Variants in TPM1 observed in about 807,000 individuals in gnomAD.
The protein encoded by TPM1 is tropomyosin 1.
In TPM1, 24 loss-of-function variants were observed where a neutral mutation model predicts 42.9. The observed-to-expected ratio is 0.56, with a 90% CI of 0.41 to 0.79. TPM1 has a LOEUF of 0.79. Ranked by LOEUF, TPM1 falls within the 30% of genes least tolerant of loss-of-function variation. The pLI, the probability that TPM1 is intolerant of heterozygous loss-of-function variation, is 0.00. For synonymous variants in TPM1, 136 were observed against 130.1 expected (o/e 1.05, Z -0.31); for missense variants, 158 against 351.8 (o/e 0.45, Z 4.41).
intron 2 of TPM1, among the ~76,000 whole-genome samples, chr15:63,052,955 A>G (rs778688379): frequency 6.6e-6 from 1 of 152,334 alleles, no homozygotes; most frequent in South Asian, 2.1e-4. Context: ...CTAGGCCAGT[A>G]TAATAGGGCC....
At chr15:63,065,732 G>A (rs891464586) in intron 9 of TPM1, 164 bp from the exon 10 acceptor site, 1 of 891,808 alleles carries the variant, frequency 1.1e-6, no homozygotes, top group South Asian at 5.2e-5. Context: ...CCTCAGGTGG[G>A]AAGATGGATG....
At chr15:63,043,578 G>A (rs1044524689) in intron 1 of TPM1, 1 of 1,420,180 alleles carries the variant, frequency 7.0e-7, no homozygotes, top group Non-Finnish European at 9.6e-7. Flanking sequence ...GTTACCTCGG[G>A]TCCTTTGCAC....
At chr15:63,053,934 C>G (rs1038065731) in intron 2 of TPM1, among the ~76,000 whole-genome samples, 1 of 152,034 alleles carries the variant, frequency 6.6e-6, no homozygotes, top group African/African-American at 2.4e-5. Context: ...CCGCCTCGGC[C>G]TCCCAAAGTG....
chr15:63,048,382 C>T, intron 2 of TPM1: 3 of 1,344,084 alleles, frequency 2.2e-6, no homozygotes, highest in South Asian at 3.3e-5. Context: ...CGCCCGCCTG[C>T]GGTTTGTCTG....
chr15:63,057,141 C>G (rs1450748494), intron 3 of TPM1, 23 bp downstream of exon 3: 1 of 1,613,734 alleles, frequency 6.2e-7, no homozygotes, highest in South Asian at 1.1e-5. Context: ...CATCAGCCAT[C>G]TTTTGCAGCT....
At chr15:63,062,880 T>TA (rs2035840261) in intron 8 of TPM1, 8 of 1,506,372 alleles carry the variant, frequency 5.3e-6, no homozygotes, top group Non-Finnish European at 6.2e-6. Context: ...CCAGCTTGAC[T>TA]TCATGCTCAT....
At chr15:63,059,053 CTTAATAGT>C (rs1258360848) in intron 3 of TPM1, among the ~76,000 whole-genome samples, 1 of 152,180 alleles carries the variant, frequency 6.6e-6, no homozygotes, top group Non-Finnish European at 1.5e-5. Context: ...TCTTTGTGGA[CTTAATAGT>C]TTATTAAATC....
downstream of TPM1, chr15:63,070,696 T>C: frequency 2.9e-6 from 3 of 1,017,216 alleles, no homozygotes; most frequent in Non-Finnish European, 3.5e-6. Flanking sequence ...CCCAGACTTT[T>C]AACTGCCTGT....
chr15:63,069,557 C>G (rs1177176598), downstream of TPM1, among the ~76,000 whole-genome samples: 1 of 152,216 alleles, frequency 6.6e-6, no homozygotes, highest in African/African-American at 2.4e-5. Flanking sequence ...TGGCTCAGCT[C>G]ACAAAGTGGT....
chr15:63,045,610 T>A (rs2032233669), intron 2 of TPM1: 1 of 152,118 alleles, frequency 6.6e-6, no homozygotes, highest in Non-Finnish European at 1.5e-5. Flanking sequence ...ATGCAGAGAA[T>A]TTGAAAATAG....
At chr15:63,050,121 A>G (rs2033538371) in intron 2 of TPM1, among the ~76,000 whole-genome samples, 1 of 152,228 alleles carries the variant, frequency 6.6e-6, no homozygotes, top group Non-Finnish European at 1.5e-5. Context: ...AAGACAGTAC[A>G]CTGATGCTTG....
intron 2 of TPM1, chr15:63,046,280 G>A (rs1040268910): frequency 6.6e-6 from 1 of 152,152 alleles, no homozygotes; most frequent in Non-Finnish European, 1.5e-5. Context: ...TCATTATGCA[G>A]TGCATGACCA....
At chr15:63,058,915 G>A (rs1420579684) in intron 3 of TPM1, among the ~76,000 whole-genome samples, 1 of 152,150 alleles carries the variant, frequency 6.6e-6, no homozygotes, top group Non-Finnish European at 1.5e-5. Flanking sequence ...AGAGGACAGT[G>A]TCAGGCCTGT....
chr15:63,067,853 C>T (rs991961192), downstream of TPM1, among the ~76,000 whole-genome samples: 2 of 152,208 alleles, frequency 1.3e-5, no homozygotes, highest in African/African-American at 4.8e-5. Context: ...CTCCATAGAA[C>T]CGGAAGGGAA....
intron 3 of TPM1, among the ~76,000 whole-genome samples, chr15:63,058,822 C>A (rs1274594225): frequency 9.9e-5 from 15 of 152,098 alleles, no homozygotes; most frequent in African/African-American, 3.6e-4. Context: ...TATCATAGGT[C>A]ATTTAGTATT....
chr15:63,044,536 G>A (rs2031982741), intron 2 of TPM1: 2 of 467,014 alleles, frequency 4.3e-6, no homozygotes, highest in Non-Finnish European at 7.7e-6. Context: ...TCCTTTTGCC[G>A]TTTCCAGTGG....
intron 2 of TPM1, among the ~76,000 whole-genome samples, chr15:63,052,133 C>A (rs180957473): frequency 3.6e-4 from 55 of 151,698 alleles, no homozygotes; most frequent in African/African-American, 1.3e-3. Flanking sequence ...TTGAGTAGTT[C>A]ATTGTTAGAA....
intron 2 of TPM1, among the ~76,000 whole-genome samples, chr15:63,050,894 C>CA (rs1418740393): frequency 6.6e-6 from 1 of 152,160 alleles, no homozygotes; most frequent in African/African-American, 2.4e-5. Flanking sequence ...TGAGCCACTG[C>CA]AAAAAATATT....
downstream of TPM1, chr15:63,069,993 G>T: frequency 6.2e-7 from 1 of 1,612,802 alleles, no homozygotes; most frequent in Non-Finnish European, 8.5e-7. Context: ...GAGCCCATGT[G>T]CAGAAAATCT....
Sources: gnomAD v4.1 joint callset for allele counts (sites outside exome capture counted in the v4.1 genomes callset) on GRCh38, gnomAD v4.1.1 for gene constraint, MANE v1.5 for transcripts, NCBI Gene and HGNC (gene_info 2026-07-23, HGNC 2026-07-21) for gene names.